Variants in ENTREP2 observed in about 807,000 individuals in gnomAD.
The protein encoded by ENTREP2 is endosomal transmembrane epsin interactor 2.
chr15:29,283,815 A>AT, the ENTREP2 span, among the ~76,000 whole-genome samples: 8 of 152,172 alleles, frequency 5.3e-5, no homozygotes, highest in South Asian at 4.1e-4. Context: ...AAAATGCTTG[A>AT]TTTTTTTTAT....
At chr15:29,290,075 C>T in the ENTREP2 span, among the ~76,000 whole-genome samples, 1 of 152,118 alleles carries the variant, frequency 6.6e-6, no homozygotes, top group Non-Finnish European at 1.5e-5. Context: ...CCTGGCCTCC[C>T]AGGGCACAGG....
chr15:29,536,449 A>G, the ENTREP2 span, among the ~76,000 whole-genome samples: 14 of 152,164 alleles, frequency 9.2e-5, 1 homozygote, highest in South Asian at 2.5e-3. Context: ...AAGATACATC[A>G]AAGAATTAGC....
chr15:29,640,663 C>CAA, the ENTREP2 span, among the ~76,000 whole-genome samples: 1 of 151,666 alleles, frequency 6.6e-6, no homozygotes, highest in South Asian at 2.1e-4. Flanking sequence ...CAAAACAAAA[C>CAA]AAAACAAAAC....
At chr15:29,217,510 G>A in the ENTREP2 span, among the ~76,000 whole-genome samples, 10 of 152,098 alleles carry the variant, frequency 6.6e-5, no homozygotes, top group Non-Finnish European at 1.3e-4. Context: ...TTGTCTTCAA[G>A]CTCTGAATTT....
At chr15:29,472,754 T>C in the ENTREP2 span, among the ~76,000 whole-genome samples, 1 of 152,172 alleles carries the variant, frequency 6.6e-6, no homozygotes, top group Admixed American at 6.5e-5. Context: ...TGTGAGCCAC[T>C]GCACCCGGCC....
chr15:29,252,224 T>G, the ENTREP2 span: 1 of 507,064 alleles, frequency 2.0e-6, no homozygotes, highest in Non-Finnish European at 3.5e-6. Flanking sequence ...CAGCTTAACC[T>G]AAATACCCTA....
the ENTREP2 span, among the ~76,000 whole-genome samples, chr15:29,208,621 G>A: frequency 6.6e-6 from 1 of 152,052 alleles, no homozygotes; most frequent in Non-Finnish European, 1.5e-5. Context: ...GAACAACTTC[G>A]GAAAACACAC....
chr15:29,454,674 A>G, the ENTREP2 span, among the ~76,000 whole-genome samples: 1 of 152,164 alleles, frequency 6.6e-6, no homozygotes, highest in Non-Finnish European at 1.5e-5. Flanking sequence ...CTGCAGGTCC[A>G]GCCAGCAGGG....
At chr15:29,270,576 T>C in the ENTREP2 span, among the ~76,000 whole-genome samples, 7 of 152,228 alleles carry the variant, frequency 4.6e-5, no homozygotes, top group Non-Finnish European at 5.9e-5. Flanking sequence ...TACTACTTAA[T>C]TTGGGGCATC....
At chr15:29,281,576 C>T in the ENTREP2 span, among the ~76,000 whole-genome samples, 80,673 of 152,138 alleles carry the variant, frequency 0.53, 23,688 homozygotes, top group Non-Finnish European at 0.68. Flanking sequence ...ACCACATCAA[C>T]ACATCGAAAC....
At chr15:29,283,408 G>A in the ENTREP2 span, among the ~76,000 whole-genome samples, 1 of 152,140 alleles carries the variant, frequency 6.6e-6, no homozygotes, top group Non-Finnish European at 1.5e-5. Context: ...GAGTGCAATG[G>A]TGTGAGCATA....
At chr15:29,512,147 T>G in the ENTREP2 span, among the ~76,000 whole-genome samples, 1 of 152,086 alleles carries the variant, frequency 6.6e-6, no homozygotes. Flanking sequence ...ATGAACCTAA[T>G]GAAACTAAAG....
At chr15:29,259,883 G>T in the ENTREP2 span, among the ~76,000 whole-genome samples, 3 of 151,980 alleles carry the variant, frequency 2.0e-5, no homozygotes, top group Non-Finnish European at 2.9e-5. Flanking sequence ...AGAAACCTCT[G>T]TACAAATTGA....
the ENTREP2 span, among the ~76,000 whole-genome samples, chr15:29,381,455 CAAAAAAAAAA>C: frequency 2.3e-5 from 1 of 44,312 alleles, no homozygotes; most frequent in African/African-American, 7.8e-5. Flanking sequence ...GACTCTGTCT[CAAAAAAAAAA>C]AAAAAAAAAA....
the ENTREP2 span, among the ~76,000 whole-genome samples, chr15:29,602,935 G>T: frequency 2.0e-5 from 3 of 152,182 alleles, no homozygotes; most frequent in African/African-American, 7.2e-5. Flanking sequence ...CATGTGCAAA[G>T]ACCCTGGGGC....
the ENTREP2 span, among the ~76,000 whole-genome samples, chr15:29,639,904 G>C: frequency 6.6e-6 from 1 of 151,908 alleles, no homozygotes; most frequent in Non-Finnish European, 1.5e-5. Context: ...GAGTAGCTGG[G>C]ATTACAGGTG....
chr15:29,251,751 T>G, the ENTREP2 span, among the ~76,000 whole-genome samples: 1 of 149,714 alleles, frequency 6.7e-6, no homozygotes, highest in Non-Finnish European at 1.5e-5. Flanking sequence ...TGACTTTTTT[T>G]TTTTTTTTTT....
the ENTREP2 span, among the ~76,000 whole-genome samples, chr15:29,386,470 C>T: frequency 8.5e-5 from 13 of 152,340 alleles, 1 homozygote; most frequent in Admixed American, 3.3e-4. Flanking sequence ...GGTTTCAACT[C>T]TACTAAGCAA....
At chr15:29,595,067 C>CAAAAAAAAAAAAAA in the ENTREP2 span, among the ~76,000 whole-genome samples, 4 of 86,612 alleles carry the variant, frequency 4.6e-5, no homozygotes, top group Non-Finnish European at 8.3e-5. Flanking sequence ...GACTCCGTCT[C>CAAAAAAAAAAAAAA]AAAAAAAAAA....
Sources: allele counts gnomAD v4.1 joint callset (sites outside exome capture counted in the v4.1 genomes callset), GRCh38; gene constraint gnomAD v4.1.1; transcripts MANE v1.5; gene names NCBI Gene and HGNC (gene_info 2026-07-23, HGNC 2026-07-21).